The following DECR2 variants were observed in gnomAD, a reference collection of about 807,000 sequenced individuals.
DECR2 encodes the protein 2,4-dienoyl-CoA reductase 2.
A neutral mutation model predicts 29.2 loss-of-function variants in DECR2; 34 were observed. The ratio of observed to expected loss-of-function variants is 1.16; its 90% CI spans 0.89 to 1.55. DECR2 has a LOEUF of 1.55. DECR2 is among the 40% of genes most tolerant of loss of function. The pLI, the probability that DECR2 is intolerant of heterozygous loss-of-function variation, is 0.00. For synonymous variants in DECR2, 224 were observed against 182.7 expected (o/e 1.23, Z -1.82); for missense variants, 485 against 425.3 (o/e 1.14, Z -1.23).
At position 404,983 on chromosome 16, in the gene DECR2, C is replaced by T. The variant is rs746486324; in HGVS notation, c.108C>T (p.Gly36=). 4.9e-5 allele frequency: 79 copies of T among 1,613,966 alleles called. No homozygotes were observed. Among genetic ancestry groups the T allele is most frequent in the South Asian group, 1.8e-4 (16 of 91,084 alleles). ...ACAAAGTGGCCTTCATCACAGGAGGCGGCTCTGGGATTGGGTTCCGGATTG... is the reference window on the plus strand; with the variant it reads ...ACAAAGTGGCCTTCATCACAGGAGGTGGCTCTGGGATTGGGTTCCGGATTG... ...LRDKVAFITG[G]GSGIGFRIAE... is the part of the protein sequence containing the mutation. Residue 36 remains glycine (G), a synonymous_variant, in exon 2 of 9, where the codon GGC becomes GGT. Coordinates refer to ENST00000219481, the MANE Select transcript of DECR2 (RefSeq NM_020664.4).
At chr16:405,479 G>T (rs534216565) in intron 2 of DECR2, 17 of 1,273,704 alleles carry the variant, frequency 1.3e-5, no homozygotes, top group Middle Eastern at 2.2e-4. Flanking sequence ...CACAGGAAGA[G>T]ATATGGCCTT....
At position 411,491 on chromosome 16, in the gene DECR2, G is replaced by A. The variant is rs775665079; in HGVS notation, c.792G>A (p.Val264=). ...TGGCTTCCTACGTGACGGGGGCCGT[G>A]CTGGTGGCCGATGGCGGGGCATGGT... ...SPLASYVTGA[V]LVADGGAWLT... The change falls in exon 8 of 9, where the codon GTG becomes GTA. Residue 264 remains valine, a synonymous_variant. Transcript: ENST00000219481. 8.7e-6 allele frequency: 14 copies of A among 1,613,996 alleles called. No homozygotes were observed. The highest frequency in any genetic ancestry group is 1.2e-5 in the Non-Finnish European group (14 of 1,180,012).
chr16:408,671 C>A (rs1306614550), intron 4 of DECR2, among the ~76,000 whole-genome samples: 1 of 151,872 alleles, frequency 6.6e-6, no homozygotes, highest in Non-Finnish European at 1.5e-5. Flanking sequence ...TCACGCCTGG[C>A]TAATTTTTAT....
At chr16:403,137 C>A in intron 1 of DECR2, 1 of 590,996 alleles carries the variant, frequency 1.7e-6, no homozygotes, top group Non-Finnish European at 2.1e-6. Context: ...TCTCCTGCTT[C>A]AGCCTCAGTG....
At chr16:408,214 T>TGTCTCCGGCCCC (rs2054764378) in intron 4 of DECR2, among the ~76,000 whole-genome samples, 2 of 37,908 alleles carry the variant, frequency 5.3e-5, no homozygotes, top group African/African-American at 4.9e-4. Flanking sequence ...TCCGGCCCCC[T>TGTCTCCGGCCCC]GTCTCCGGGC....
In DECR2 at chr16:411,484, G is replaced by T. The variant is rs1379969134; in HGVS notation, c.785G>T (p.Gly262Val). The change falls in exon 8 of 9, where the codon GGG becomes GTG. Residue 262 changes from glycine (G) to valine (V), a missense_variant. Physicochemically the swap from Gly to Val is moderately radical, Grantham distance 109. Transcript: ENST00000219481. ...LASPLASYVTGAVLVADGGAW... is the reference protein window; with the variant it reads ...LASPLASYVTVAVLVADGGAW... ...AGCCCTCTGGCTTCCTACGTGACGG[G>T]GGCCGTGCTGGTGGCCGATGGCGGG... 2 of 1,614,006 alleles carry T rather than the reference G, an allele frequency of 1.2e-6. No individual in the cohort carries two copies. Among genetic ancestry groups the T allele is most frequent in the South Asian group, 2.2e-5 (2 of 91,086 alleles).
Position 406,358 on chromosome 16 carries a change from T to C in DECR2, c.162T>C (p.His54=). ...IAEIFMRHGC[H]TVIASRSLPR... ...TCTGGTTTTGCAGGCACGGCTGCCA[T>C]ACGGTGATTGCCAGTAGGAGCCTGC... Residue 54 remains histidine (H), a synonymous_variant, in exon 3 of 9, where the codon CAT becomes CAC. Transcript: ENST00000219481. 1 of 1,607,546 alleles carries C rather than the reference T, an allele frequency of 6.2e-7. No homozygotes were observed. The highest frequency in any genetic ancestry group is 1.7e-5 in the Admixed American group (1 of 60,018).
Position 410,063 on chromosome 16 carries a change from A to G in DECR2, c.338-180A>G, listed in dbSNP as rs1350296543. On this transcript the variant is annotated intron_variant, in intron 4 of 8. Coordinates refer to ENST00000219481, the MANE Select transcript of DECR2 (RefSeq NM_020664.4). The surrounding 1 kb of genome is among the most constrained non-coding windows in gnomAD (Gnocchi z 4.1). ...TCTTCTCTTCTCGGGGACACAGTGC[A>G]GCCAGGACGCCCGTCTTGCTCTGGT... The G allele has an allele frequency of 4.9e-6, 4 of 816,160 alleles. No homozygotes were observed. In the African/African-American group the frequency reaches 5.2e-5, roughly 11 times the overall value. The allele number at this position is 816,160 out of a possible 1,614,324, so 50.6% of individuals were successfully genotyped here.
intron 3 of DECR2, chr16:407,024 T>C: frequency 9.7e-7 from 1 of 1,034,806 alleles, no homozygotes; most frequent in South Asian, 4.0e-5. Flanking sequence ...GGGACCTTCC[T>C]GTTTGGGGGT....
At chr16:402,098 C>T in intron 1 of DECR2, 55 bp downstream of exon 1, 1 of 1,288,800 alleles carries the variant, frequency 7.8e-7, no homozygotes, top group African/African-American at 1.5e-5. Context: ...GGTCCGCGGG[C>T]GCCGGCGCCC....
chr16:403,093 G>A, intron 1 of DECR2: 2 of 942,594 alleles, frequency 2.1e-6, no homozygotes, highest in Non-Finnish European at 2.5e-6. Flanking sequence ...TCTCATTCTG[G>A]GTTGAAGCAA....
intron 8 of DECR2, 66 bp downstream of exon 8, chr16:411,644 G>GC: frequency 6.5e-7 from 1 of 1,532,290 alleles, no homozygotes; most frequent in Non-Finnish European, 8.9e-7. Context: ...GCATGGGCAG[G>GC]TCTCTGCGGG....
At chr16:407,147 G>C in intron 3 of DECR2, 1 of 1,252,926 alleles carries the variant, frequency 8.0e-7, no homozygotes, top group Non-Finnish European at 1.0e-6. Context: ...GCCACCTCTG[G>C]TCTGCAGCAG....
chr16:407,708 G>C (rs2054743082), intron 4 of DECR2, 148 bp downstream of exon 4: 1 of 1,315,800 alleles, frequency 7.6e-7, no homozygotes, highest in East Asian at 2.4e-5. Flanking sequence ...AGGTACCTGA[G>C]GCCAAGACTC....
intron 2 of DECR2, 153 bp downstream of exon 2, chr16:405,177 C>A: frequency 2.2e-6 from 2 of 900,156 alleles, no homozygotes; most frequent in African/African-American, 1.7e-5. Context: ...GACTGGGGAG[C>A]GGTCGAGGAT....
chr16:407,393 G>T (rs774310580), intron 3 of DECR2, 32 bp from the exon 4 acceptor site: 68 of 1,589,448 alleles, frequency 4.3e-5, no homozygotes, highest in Non-Finnish European at 5.6e-5. Flanking sequence ...GAGGCTGCAG[G>T]GCTGCTGTCT....
intron 3 of DECR2, 78 bp downstream of exon 3, chr16:406,475 A>C: frequency 6.7e-7 from 1 of 1,501,426 alleles, no homozygotes; most frequent in Non-Finnish European, 9.1e-7. Flanking sequence ...AGGAGAGTCC[A>C]GAGGCTATGG....
chr16:411,841 T>C (rs1043712271), intron 8 of DECR2, 49 bp from the exon 9 acceptor site: 2 of 463,176 alleles, frequency 4.3e-6, no homozygotes, highest in Non-Finnish European at 7.6e-6. Context: ...CGAGGTGTTT[T>C]AGGGGGAAGC....
chr16:403,249 A>G (rs6600217), intron 1 of DECR2, among the ~76,000 whole-genome samples: 152,073 of 152,074 alleles, frequency 1, 76,036 homozygotes, highest in Non-Finnish European at 1. Context: ...GGAACTCCTG[A>G]CCTCAGATGA....
Sources: allele counts gnomAD v4.1 joint callset (sites outside exome capture counted in the v4.1 genomes callset), GRCh38; gene constraint gnomAD v4.1.1; non-coding constraint Gnocchi (gnomAD v3.1); transcripts MANE v1.5; gene names NCBI Gene and HGNC (gene_info 2026-07-23, HGNC 2026-07-21).